KCNH8: variants seen among roughly 807,000 people sequenced by gnomAD.
KCNH8 encodes the protein voltage-gated delayed rectifier potassium channel KCNH8.
Under a neutral mutation model 103.6 loss-of-function variants are expected in KCNH8, and 70 were observed. The ratio of observed to expected loss-of-function variants is 0.68; its 90% confidence interval spans 0.56 to 0.82. KCNH8 has a LOEUF of 0.82. Ranked by LOEUF, KCNH8 falls within the 40% of genes least tolerant of loss-of-function variation. The pLI, the probability that KCNH8 is intolerant of heterozygous loss-of-function variation, is 0.00. For missense variants in KCNH8, 1,217 were observed against 1,329.9 expected (o/e 0.92, Z 1.32); for synonymous variants, 498 against 489.4 (o/e 1.02, Z -0.23).
intron 7 of KCNH8, among the ~76,000 whole-genome samples, chr3:19,423,482 A>C (rs1043691004): frequency 6.6e-6 from 1 of 151,970 alleles, no homozygotes; most frequent in Non-Finnish European, 1.5e-5. Flanking sequence ...ATGCCTTTGC[A>C]TCCTCATAGC....
chr3:19,300,110 A>T (rs1164382859), intron 3 of KCNH8, among the ~76,000 whole-genome samples: 3 of 151,994 alleles, frequency 2.0e-5, no homozygotes, highest in African/African-American at 7.2e-5. Context: ...TTAGCCAGGC[A>T]TGGTGGCATG....
At chr3:19,497,589 C>G (rs1478455402) in intron 11 of KCNH8, among the ~76,000 whole-genome samples, 1 of 152,128 alleles carries the variant, frequency 6.6e-6, no homozygotes, top group East Asian at 1.9e-4. Context: ...TTTTTATGCA[C>G]TGTGGTCCAA....
chr3:19,515,257 C>G, intron 13 of KCNH8, 65 bp from the exon 14 acceptor site: 1 of 888,930 alleles, frequency 1.1e-6, no homozygotes, highest in Non-Finnish European at 1.8e-6. Context: ...TCTTTTAACT[C>G]TTTAAAAATA....
chr3:19,259,114 C>G (rs1368230962), intron 2 of KCNH8, among the ~76,000 whole-genome samples: 1 of 150,942 alleles, frequency 6.6e-6, no homozygotes, highest in African/African-American at 2.4e-5. Flanking sequence ...TAACTCTGTA[C>G]TCACAAATGC....
At chr3:19,478,062 T>C (rs1391930365) in intron 11 of KCNH8, among the ~76,000 whole-genome samples, 1 of 152,152 alleles carries the variant, frequency 6.6e-6, no homozygotes, top group Non-Finnish European at 1.5e-5. Context: ...TGGCCTCCAG[T>C]TACACCCATG....
intron 1 of KCNH8, among the ~76,000 whole-genome samples, chr3:19,203,157 A>G (rs568848062): frequency 6.6e-6 from 1 of 152,306 alleles, no homozygotes; most frequent in African/African-American, 2.4e-5. Context: ...AAATTAAATA[A>G]TGAGAGCCCC....
At chr3:19,309,383 T>G (rs967207329) in intron 3 of KCNH8, among the ~76,000 whole-genome samples, 2 of 151,974 alleles carry the variant, frequency 1.3e-5, no homozygotes, top group Non-Finnish European at 2.9e-5. Flanking sequence ...TTTATGGTGT[T>G]TCATAAAGTC....
intron 7 of KCNH8, among the ~76,000 whole-genome samples, chr3:19,417,052 C>T (rs1236659299): frequency 1.3e-5 from 2 of 151,842 alleles, no homozygotes; most frequent in Non-Finnish European, 2.9e-5. Flanking sequence ...CCCACCTCTT[C>T]CCCTGTCAGC....
intron 5 of KCNH8, among the ~76,000 whole-genome samples, chr3:19,377,697 A>C (rs901455392): frequency 1.3e-5 from 2 of 152,212 alleles, no homozygotes; most frequent in African/African-American, 4.8e-5. Flanking sequence ...TGGGCATTGA[A>C]AAAGAAAAAC....
chr3:19,533,352 T>C, intron 15 of KCNH8, 43 bp from the exon 16 acceptor site: 1 of 1,256,870 alleles, frequency 8.0e-7, no homozygotes, highest in South Asian at 1.2e-5. Flanking sequence ...GTCACTACTA[T>C]GCACCTCTAA....
chr3:19,149,192 G>A (rs2063104539), intron 1 of KCNH8, among the ~76,000 whole-genome samples: 1 of 152,094 alleles, frequency 6.6e-6, no homozygotes, highest in Non-Finnish European at 1.5e-5. Context: ...AGAGCTTGGA[G>A]TGTTCTTTCT....
At chr3:19,376,420 G>C (rs149643589) in intron 5 of KCNH8, among the ~76,000 whole-genome samples, 5 of 152,254 alleles carry the variant, frequency 3.3e-5, no homozygotes, top group African/African-American at 1.2e-4. Context: ...GACCCCTTGC[G>C]CTTCCCGAGT....
At chr3:19,362,573 T>C (rs1426407673) in intron 5 of KCNH8, among the ~76,000 whole-genome samples, 1 of 152,218 alleles carries the variant, frequency 6.6e-6, no homozygotes, top group Non-Finnish European at 1.5e-5. Flanking sequence ...CCTTCAGCTA[T>C]AAATAATCAA....
chr3:19,278,250 G>A (rs2064703213), intron 2 of KCNH8, among the ~76,000 whole-genome samples: 1 of 151,962 alleles, frequency 6.6e-6, no homozygotes, highest in Non-Finnish European at 1.5e-5. Context: ...GTAGCTTTTG[G>A]CATCTATTAT....
chr3:19,274,900 C>CCT (rs968036959), intron 2 of KCNH8, among the ~76,000 whole-genome samples: 6 of 120,422 alleles, frequency 5.0e-5, no homozygotes, highest in East Asian at 5.6e-4. Context: ...CCTTCCCTTC[C>CCT]CTCTCTCTCT....
rs1003786258 is a variant in KCNH8 at position 19,457,045 on chromosome 3, C to A, written c.2040+63C>A. On this transcript the variant is annotated intron_variant, in intron 11 of 15. Coordinates refer to ENST00000328405, the MANE Select transcript of KCNH8 (RefSeq NM_144633.3). Reference sequence around the variant, plus strand: ...CATTGGGCCTGGAGATCATTTGTAACAGTAAAGGCAGATGTCATGACCTCA... The same window carrying A: ...CATTGGGCCTGGAGATCATTTGTAAAAGTAAAGGCAGATGTCATGACCTCA... The A allele has an allele frequency of 8.9e-6, 10 of 1,120,216 alleles. No individual in the cohort carries two copies. In the African/African-American group the frequency reaches 9.4e-5, roughly 11 times the overall value. The allele number at this position is 1,120,216 out of a possible 1,614,324, so 69.4% of individuals were successfully genotyped here.
At chr3:19,312,814 T>C (rs2065223315) in intron 3 of KCNH8, among the ~76,000 whole-genome samples, 1 of 151,982 alleles carries the variant, frequency 6.6e-6, no homozygotes, top group South Asian at 2.1e-4. Context: ...GGTTAGATGT[T>C]CTACAAGATT....
intron 5 of KCNH8, among the ~76,000 whole-genome samples, chr3:19,359,923 G>T (rs1023099635): frequency 2.0e-5 from 3 of 151,986 alleles, no homozygotes; most frequent in Non-Finnish European, 4.4e-5. Flanking sequence ...GAAAAGGGAA[G>T]ATTTTACTGG....
chr3:19,481,033 A>G (rs1359083964), intron 11 of KCNH8, among the ~76,000 whole-genome samples: 1 of 152,186 alleles, frequency 6.6e-6, no homozygotes, highest in African/African-American at 2.4e-5. Context: ...GCTGTTCAAA[A>G]TAACATTGTG....
Sources: gnomAD v4.1 joint callset for allele counts (sites outside exome capture counted in the v4.1 genomes callset) on GRCh38, gnomAD v4.1.1 for gene constraint, MANE v1.5 for transcripts, NCBI Gene and HGNC (gene_info 2026-07-23, HGNC 2026-07-21) for gene names.